CFAP92: variants seen among roughly 807,000 people sequenced by gnomAD.
CFAP92 encodes the protein uncharacterized protein CFAP92.
CFAP92 carries 86 observed loss-of-function variants against 106.3 expected under a neutral mutation model. The observed-to-expected ratio is 0.81, with a 90% confidence interval of 0.68 to 0.97. The LOEUF is 0.97. Ranked by LOEUF, CFAP92 falls within the 50% of genes least tolerant of loss-of-function variation. The pLI, the probability that CFAP92 is intolerant of heterozygous loss-of-function variation, is 0.00. For synonymous variants in CFAP92, 477 were observed against 506.4 expected (o/e 0.94, Z 0.78); for missense variants, 1,204 against 1,283.8 (o/e 0.94, Z 0.95).
intron 3 of CFAP92, among the ~76,000 whole-genome samples, 163 bp from the exon 4 acceptor site, chr3:128,987,992 T>A (rs553000511): frequency 2.0e-4 from 30 of 152,196 alleles, no homozygotes; most frequent in African/African-American, 7.2e-4. Flanking sequence ...TGGGGCGTTG[T>A]GTGCTGGGCC....
upstream of CFAP92, among the ~76,000 whole-genome samples, chr3:128,998,956 G>A (rs2107836479): frequency 6.6e-6 from 1 of 152,068 alleles, no homozygotes; most frequent in East Asian, 1.9e-4. Context: ...CAAATACATA[G>A]AAAAGTCTGG....
the CFAP92 span, among the ~76,000 whole-genome samples, chr3:129,025,693 G>A: frequency 6.6e-6 from 1 of 152,212 alleles, no homozygotes; most frequent in Non-Finnish European, 1.5e-5. Context: ...ATCCAGCAGA[G>A]AGAGGGGCAA....
chr3:128,945,224 AG>A lies in CFAP92; in HGVS notation c.2104del (p.Leu702CysfsTer42), dbSNP rs1940082952. On this transcript the variant is annotated frameshift_variant, in exon 10 of 16. Transcript: ENST00000645291. LOFTEE classifies it high-confidence loss of function. ...SYPVRTLQQI[L>X]SAFKVRVRVQ... The stretch of plus-strand genomic sequence containing the variant: ...CCGCACACGCACCTTGAAGGCTGAC[AG>A]GATCTGCTGCAGGGTCCTGACAGGG... 6.5e-7 allele frequency: 1 copy of A among 1,536,048 alleles called. No individual in the cohort carries two copies. Among genetic ancestry groups the A allele is most frequent in the Admixed American group, 2.0e-5 (1 of 50,976 alleles).
At chr3:128,939,960 C>T (rs969639718) in intron 10 of CFAP92, among the ~76,000 whole-genome samples, 1 of 152,246 alleles carries the variant, frequency 6.6e-6, no homozygotes, top group African/African-American at 2.4e-5. Context: ...GAGACCGGTA[C>T]AGGTCCATGG....
At chr3:128,929,064 G>C (rs1484751266) in intron 12 of CFAP92, among the ~76,000 whole-genome samples, 3 of 152,164 alleles carry the variant, frequency 2.0e-5, no homozygotes, top group Non-Finnish European at 4.4e-5. Flanking sequence ...TTCAAGACCA[G>C]CCTGGGTAAC....
At chr3:128,910,459 G>C in intron 15 of CFAP92, 126 bp from the exon 16 acceptor site, 1 of 938,506 alleles carries the variant, frequency 1.1e-6, no homozygotes, top group Non-Finnish European at 1.6e-6. Flanking sequence ...AGGACCCACT[G>C]TATACCAGGA....
intron 8 of CFAP92, 112 bp downstream of exon 8, chr3:128,971,175 G>T: frequency 6.5e-7 from 1 of 1,541,880 alleles, no homozygotes; most frequent in Non-Finnish European, 8.8e-7. Context: ...AGGTGGCTGT[G>T]AGGATGAAAT....
At chr3:128,977,937 T>C (rs1248553573) in intron 5 of CFAP92, 108 bp downstream of exon 5, 2 of 1,420,894 alleles carry the variant, frequency 1.4e-6, no homozygotes, top group Non-Finnish European at 1.9e-6. Flanking sequence ...CTGCTGCCAA[T>C]ACACAGGAGG....
chr3:129,001,361 G>C (rs572246543), intron 1 of CFAP92, among the ~76,000 whole-genome samples: 1 of 152,232 alleles, frequency 6.6e-6, no homozygotes, highest in Admixed American at 6.5e-5. Context: ...ACGCGGAGAA[G>C]CCAGACCCAG....
At chr3:128,966,967 C>G (rs993053429) in intron 8 of CFAP92, 1 of 152,128 alleles carries the variant, frequency 6.6e-6, no homozygotes, top group Non-Finnish European at 1.5e-5. Flanking sequence ...AAAATCACCT[C>G]AAGTTTTGGA....
intron 6 of CFAP92, among the ~76,000 whole-genome samples, chr3:128,976,233 A>G (rs912251567): frequency 1.3e-5 from 2 of 152,168 alleles, no homozygotes; most frequent in African/African-American, 4.8e-5. Context: ...TTTAATAAAA[A>G]TAACCCAAAC....
At chr3:128,931,917 C>G (rs960413337) in intron 12 of CFAP92, among the ~76,000 whole-genome samples, 1 of 151,970 alleles carries the variant, frequency 6.6e-6, no homozygotes, top group African/African-American at 2.4e-5. Flanking sequence ...ACTCAGGAGG[C>G]CGAGGTGGGA....
chr3:129,002,101 G>A, intron 1 of CFAP92: 1 of 1,500,348 alleles, frequency 6.7e-7, no homozygotes, highest in Non-Finnish European at 8.9e-7. Flanking sequence ...ACCCGTGCGG[G>A]GCCCCGGCTG....
chr3:128,964,772 T>C (rs1040246561), intron 9 of CFAP92, among the ~76,000 whole-genome samples: 68 of 152,192 alleles, frequency 4.5e-4, no homozygotes, highest in African/African-American at 1.6e-3. Flanking sequence ...TATCACCCCT[T>C]ACCACAAGAC....
chr3:128,961,619 G>A (rs979653805), intron 9 of CFAP92, among the ~76,000 whole-genome samples: 2 of 152,136 alleles, frequency 1.3e-5, no homozygotes, highest in East Asian at 1.9e-4. Context: ...ATCAGATAGC[G>A]TTTAGGCTCT....
At chr3:129,017,012 ACT>A in the CFAP92 span, among the ~76,000 whole-genome samples, 1 of 152,022 alleles carries the variant, frequency 6.6e-6, no homozygotes. Flanking sequence ...TTCATCTTCC[ACT>A]CTGTTTTCCT....
chr3:128,995,882 C>T (rs1673794626), upstream of CFAP92, among the ~76,000 whole-genome samples: 1 of 152,238 alleles, frequency 6.6e-6, no homozygotes, highest in Non-Finnish European at 1.5e-5. Flanking sequence ...AAGATCCCCT[C>T]CCACATAATC....
At chr3:128,947,680 T>C (rs1422072051) in intron 9 of CFAP92, among the ~76,000 whole-genome samples, 1 of 152,116 alleles carries the variant, frequency 6.6e-6, no homozygotes, top group East Asian at 1.9e-4. Context: ...TCATTCAAAA[T>C]TGATCAAAGG....
At chr3:128,947,583 A>G (rs149104355) in intron 9 of CFAP92, among the ~76,000 whole-genome samples, 43 of 152,296 alleles carry the variant, frequency 2.8e-4, no homozygotes, top group Non-Finnish European at 5.0e-4. Context: ...AACCGGAAAC[A>G]GATCCACACA....
Sources: gnomAD v4.1 joint callset for allele counts (sites outside exome capture counted in the v4.1 genomes callset) on GRCh38, gnomAD v4.1.1 for gene constraint, MANE v1.5 for transcripts, NCBI Gene and HGNC (gene_info 2026-07-23, HGNC 2026-07-21) for gene names.